ARHGEF10L: variants seen among roughly 807,000 people sequenced by gnomAD.
ARHGEF10L encodes the protein rho guanine nucleotide exchange factor 10-like protein.
ARHGEF10L carries 69 observed loss-of-function variants against 141.2 expected under a neutral mutation model. The ratio of observed to expected loss-of-function variants is 0.49; its 90% confidence interval spans 0.40 to 0.60. ARHGEF10L has a LOEUF of 0.60. Among genes scored for constraint, ARHGEF10L ranks in the 20% least tolerant of loss-of-function variants. The pLI, the probability that ARHGEF10L is intolerant of heterozygous loss-of-function variation, is 0.00. For synonymous variants in ARHGEF10L, 711 were observed against 718.5 expected (o/e 0.99, Z 0.17); for missense variants, 1,482 against 1,734.3 (o/e 0.85, Z 2.58).
intron 26 of ARHGEF10L, among the ~76,000 whole-genome samples, chr1:17,683,109 T>A (rs2064255755): frequency 6.8e-6 from 1 of 147,564 alleles, no homozygotes; most frequent in Non-Finnish European, 1.5e-5. Flanking sequence ...TGCCCCCTGC[T>A]CTCACCGGGG....
intron 1 of ARHGEF10L, among the ~76,000 whole-genome samples, chr1:17,559,688 C>T (rs536244701): frequency 6.6e-6 from 1 of 152,286 alleles, no homozygotes; most frequent in East Asian, 1.9e-4. Context: ...GGCCTTTTCC[C>T]TTAGTTGCCC....
chr1:17,557,559 G>T (rs2077381682), intron 1 of ARHGEF10L, among the ~76,000 whole-genome samples: 1 of 152,148 alleles, frequency 6.6e-6, no homozygotes. Context: ...AGGAATTCCT[G>T]AGCCTCATCC....
At position 17,560,257 on chromosome 1, in the gene ARHGEF10L, C is replaced by T. The variant is rs773374829; in HGVS notation, c.-43-20296C>T. On this transcript the variant is annotated intron_variant, in intron 1 of 28. Transcript: ENST00000361221. The stretch of plus-strand genomic sequence containing the variant: ...CCAAGACATCAGGAGGAGGCCAGCT[C>T]GGTTTACACAGTTAATGAGAAATGG... Among the ~76,000 whole-genome samples, 10 of 152,224 alleles carry T rather than the reference C, an allele frequency of 6.6e-5. 1 individual carries two copies. The highest frequency in any genetic ancestry group is 1.9e-4 in the African/African-American group (8 of 41,534).
chr1:17,555,230 C>T (rs538667067), intron 1 of ARHGEF10L, among the ~76,000 whole-genome samples: 1 of 152,122 alleles, frequency 6.6e-6, no homozygotes, highest in Admixed American at 6.5e-5. Context: ...CTGTGGTTTT[C>T]CATTGTTCTT....
rs530209225 is a variant in ARHGEF10L, at chr1:17,695,141, G to A, written c.3185-17G>A. 194 of 1,612,006 alleles carry A rather than the reference G, an allele frequency of 1.2e-4. 1 individual carries two copies. Among genetic ancestry groups the A allele is most frequent in the South Asian group, 1.1e-3 (104 of 91,072 alleles). On this transcript the variant is annotated splice_polypyrimidine_tract_variant and intron_variant, in intron 27 of 28. Coordinates refer to ENST00000361221, the MANE Select transcript of ARHGEF10L (RefSeq NM_018125.4). Reference sequence around the variant, plus strand: ...CTCCCCAGGAGGGCACTGCTCAGCCGCCCTCTCTTTCTGCAGGCCAGAAGC... The same window carrying A: ...CTCCCCAGGAGGGCACTGCTCAGCCACCCTCTCTTTCTGCAGGCCAGAAGC...
intron 21 of ARHGEF10L, 131 bp downstream of exon 21, chr1:17,640,433 T>C (rs1571178768): frequency 1.4e-6 from 1 of 705,928 alleles, no homozygotes; most frequent in African/African-American, 1.8e-5. Flanking sequence ...GGGAGGGAGG[T>C]GGTGCGGTGG....
rs2270977 is a variant in ARHGEF10L at position 17,697,014 on chromosome 1, T to C, written c.3474T>C (p.Asp1158=). ...PDGQAHEPMP[D]SHVGRELTRK... is the part of the protein sequence containing the mutation. ...GGCAGGCACACGAGCCCATGCCCGA[T>C]AGCCACGTGGGCCGAGAGCTGACCC... The change falls in exon 29 of 29, where the codon GAT becomes GAC. Residue 1158 remains aspartate (D), a synonymous_variant. Coordinates refer to ENST00000361221, the MANE Select transcript of ARHGEF10L (RefSeq NM_018125.4). The surrounding 1 kb of genome is among the most constrained non-coding windows in gnomAD (Gnocchi z 4.8). 1,328,582 of 1,607,376 alleles carry C rather than the reference T, an allele frequency of 0.83. 550,132 individuals are homozygous for C. The highest frequency in any genetic ancestry group is 0.9 in the East Asian group (40,307 of 44,642).
At chr1:17,684,547 C>G (rs1489805944) in intron 26 of ARHGEF10L, among the ~76,000 whole-genome samples, 1 of 152,138 alleles carries the variant, frequency 6.6e-6, no homozygotes, top group Non-Finnish European at 1.5e-5. Context: ...GAGGAAGAGA[C>G]CCCCGATACC....
rs956335571 is a variant in ARHGEF10L, at chr1:17,656,434, C to T, written c.2706-120C>T. ...TGGAGCTATGGCCTGGCCACACAGC[C>T]GAAAGGCGTGGCTGAGAGGGGTCAG... On this transcript the variant is annotated intron_variant, in intron 24 of 28. Transcript: ENST00000361221. The surrounding 1 kb of genome is among the most constrained non-coding windows in gnomAD (Gnocchi z 4.9). 30 of 1,285,792 alleles carry T rather than the reference C, an allele frequency of 2.3e-5. No homozygotes were observed. Among genetic ancestry groups the T allele is most frequent in the Admixed American group, 1.1e-4 (5 of 45,184 alleles). The allele number at this position is 1,285,792 out of a possible 1,614,324, so 79.6% of individuals were successfully genotyped here. A position where few individuals can be genotyped will look rare whatever the true frequency, so the allele number is the denominator to read the frequency against.
At chr1:17,535,146 G>A (rs1274265757), upstream of ARHGEF10L, among the ~76,000 whole-genome samples, 1 of 152,134 alleles carries the variant, frequency 6.6e-6, no homozygotes, top group Non-Finnish European at 1.5e-5. Context: ...GGTCCCATCT[G>A]GGGGTGATGG....
intron 4 of ARHGEF10L, among the ~76,000 whole-genome samples, chr1:17,597,787 TG>T (rs1383865952): frequency 6.6e-6 from 1 of 152,194 alleles, no homozygotes; most frequent in Non-Finnish European, 1.5e-5. Flanking sequence ...GTACCTGGGC[TG>T]GTCGCTCACT....
chr1:17,654,595 C>T lies in ARHGEF10L; in HGVS notation c.2395-41C>T, dbSNP rs1254713348. 3 of 1,578,772 alleles carry T rather than the reference C, an allele frequency of 1.9e-6. No individual in the cohort carries two copies. Among genetic ancestry groups the T allele is most frequent in the East Asian group, 2.2e-5 (1 of 44,680 alleles). On this transcript the variant is annotated intron_variant, in intron 22 of 28. Coordinates refer to ENST00000361221, the MANE Select transcript of ARHGEF10L (RefSeq NM_018125.4). This position sits in a 1 kb window ranked among gnomAD's most constrained non-coding sequence, Gnocchi z 4.3. ...CTGCCAAATATTGGCATCTGGGCAC[C>T]TTGATGATTAACCTCACATGTACCG...
At chr1:17,667,271 C>T (rs529416034) in intron 26 of ARHGEF10L, among the ~76,000 whole-genome samples, 13 of 152,334 alleles carry the variant, frequency 8.5e-5, no homozygotes, top group Middle Eastern at 3.4e-3. Context: ...GGGCAACCTT[C>T]AGTCTGATGT....
In ARHGEF10L at chr1:17,588,426, T is replaced by C; in HGVS notation, c.224-20T>C. ...CCAGCCTCTGGCCTGACAGGCTCTCTGTCTGCTCTTCTTTTGCAGACCCAG... is the reference window on the plus strand; with the variant it reads ...CCAGCCTCTGGCCTGACAGGCTCTCCGTCTGCTCTTCTTTTGCAGACCCAG... On this transcript the variant is annotated intron_variant, in intron 3 of 28. Coordinates refer to ENST00000361221, the MANE Select transcript of ARHGEF10L (RefSeq NM_018125.4). 16 of 1,613,914 alleles carry C rather than the reference T, an allele frequency of 9.9e-6. No individual in the cohort carries two copies. Among genetic ancestry groups the C allele is most frequent in the Non-Finnish European group, 1.3e-5 (15 of 1,179,880 alleles).
In ARHGEF10L at chr1:17,695,211, G is replaced by A. The variant is rs749756383; in HGVS notation, c.3238G>A (p.Val1080Met). 2.5e-6 allele frequency: 4 copies of A among 1,612,654 alleles called. No homozygotes were observed. The highest frequency in any genetic ancestry group is 1.7e-5 in the Admixed American group (1 of 59,972). The change falls in exon 28 of 29, where the codon GTG becomes ATG. Residue 1080 changes from valine to methionine, a missense_variant. Physicochemically the swap from Val to Met is conservative, Grantham distance 21. Around this residue, in one of 3 missense-constraint regions of ARHGEF10L, gnomAD observed 858 missense variants for 966.3 expected, o/e 0.89. Transcript: ENST00000361221. ...SLLICQGLLW[V>M]GTDQGVIVLL... ...CCTGATCTGCCAGGGTCTGCTCTGG[G>A]TGGGCACTGACCAGGGTGTCATCGT...
At position 17,621,914 on chromosome 1, in the gene ARHGEF10L, C is replaced by T. The variant is rs146595527; in HGVS notation, c.993C>T (p.Tyr331=). ...LGSIVQSEGS[Y]VESLKRILQD... is the part of the protein sequence containing the mutation. Reference sequence around the variant, plus strand: ...CCATCGTGCAGAGCGAAGGCAGCTACGTGGAGTCTCTGAAGCGGATACTCC... The same window carrying T: ...CCATCGTGCAGAGCGAAGGCAGCTATGTGGAGTCTCTGAAGCGGATACTCC... The change falls in exon 11 of 29, where the codon TAC becomes TAT. Residue 331 remains tyrosine (Y), a synonymous_variant. Coordinates refer to ENST00000361221, the MANE Select transcript of ARHGEF10L (RefSeq NM_018125.4). This position sits in a 1 kb window ranked among gnomAD's most constrained non-coding sequence, Gnocchi z 4.1. 17 of 1,614,176 alleles carry T rather than the reference C, an allele frequency of 1.1e-5. No homozygotes were observed. The highest frequency in any genetic ancestry group is 8.0e-5 in the African/African-American group (6 of 75,042).
rs114395097 is a variant in ARHGEF10L at position 17,623,599 on chromosome 1, T to A, written c.1200+424T>A. 0.023 allele frequency among the ~76,000 whole-genome samples: 3,528 copies of A among 152,226 alleles called. 146 individuals are homozygous for A. Among genetic ancestry groups the A allele is most frequent in the African/African-American group, 0.081 (3,364 of 41,520 alleles). On this transcript the variant is annotated intron_variant, in intron 12 of 28. Coordinates refer to ENST00000361221, the MANE Select transcript of ARHGEF10L (RefSeq NM_018125.4). The surrounding 1 kb of genome is among the most constrained non-coding windows in gnomAD (Gnocchi z 4.7). ...CTGGGGAAAGGGCACTGGCTCACGATCCGGGGGACCTGGTTCTGGTCCCAG... is the reference window on the plus strand; with the variant it reads ...CTGGGGAAAGGGCACTGGCTCACGAACCGGGGGACCTGGTTCTGGTCCCAG...
At position 17,578,651 on chromosome 1, in the gene ARHGEF10L, A is replaced by G. The variant is rs374442423; in HGVS notation, c.-43-1902A>G. 5.9e-5 allele frequency among the ~76,000 whole-genome samples: 9 copies of G among 152,124 alleles called. No individual in the cohort carries two copies. In the East Asian group the frequency reaches 1.5e-3, roughly 26 times the overall value. Reference sequence around the variant, plus strand: ...CAGTGAGCCATGATTGTGCCACTGCACTCCAACCTGGGAAATCGAGACCAA... The same window carrying G: ...CAGTGAGCCATGATTGTGCCACTGCGCTCCAACCTGGGAAATCGAGACCAA... On this transcript the variant is annotated intron_variant, in intron 1 of 28. Coordinates refer to ENST00000361221, the MANE Select transcript of ARHGEF10L (RefSeq NM_018125.4).
At chr1:17,537,155 A>G (rs1021344747), upstream of ARHGEF10L, among the ~76,000 whole-genome samples, 2 of 152,032 alleles carry the variant, frequency 1.3e-5, no homozygotes, top group South Asian at 4.2e-4. Context: ...TGGCCTCCTA[A>G]AGTGCTGGGA....
Sources: allele counts gnomAD v4.1 joint callset (sites outside exome capture counted in the v4.1 genomes callset), GRCh38; gene constraint gnomAD v4.1.1; regional missense constraint gnomAD v4.1.1; non-coding constraint Gnocchi (gnomAD v3.1); transcripts MANE v1.5; gene names NCBI Gene and HGNC (gene_info 2026-07-23, HGNC 2026-07-21).